The following LRRTM4 variants were observed in gnomAD, a reference collection of about 807,000 sequenced individuals.
LRRTM4 encodes the protein leucine-rich repeat transmembrane neuronal protein 4.
LRRTM4 carries 25 observed loss-of-function variants against 47.6 expected under a neutral mutation model. That is an observed-to-expected ratio of 0.53 (90% CI 0.38 to 0.73). The LOEUF (loss-of-function observed/expected upper bound fraction) is 0.73, where lower values mean the gene tolerates loss of function less well. LRRTM4 is among the 30% of genes least tolerant of loss of function. LRRTM4 has a pLI of 0.00. For missense variants in LRRTM4, 638 were observed against 713.4 expected (o/e 0.89, Z 1.20); for synonymous variants, 311 against 269.5 (o/e 1.15, Z -1.51).
intron 3 of LRRTM4, among the ~76,000 whole-genome samples, chr2:76,935,644 T>C (rs1481944838): frequency 6.6e-6 from 1 of 151,744 alleles, no homozygotes; most frequent in East Asian, 1.9e-4. Context: ...ATGATTTGGC[T>C]CTCTGTTATT....
chr2:77,000,403 G>A (rs6547112), intron 3 of LRRTM4, among the ~76,000 whole-genome samples: 23,500 of 152,184 alleles, frequency 0.15, 2,790 homozygotes, highest in African/African-American at 0.33. Context: ...GAGAGCTTGG[G>A]AGAGTGTATG....
At chr2:76,825,337 T>A (rs1671163172) in intron 3 of LRRTM4, among the ~76,000 whole-genome samples, 1 of 151,720 alleles carries the variant, frequency 6.6e-6, no homozygotes, top group Admixed American at 6.6e-5. Flanking sequence ...GGTTGAAATA[T>A]TCTGACAGTA....
chr2:77,115,702 C>T (rs1011186539), intron 3 of LRRTM4, among the ~76,000 whole-genome samples: 8 of 152,086 alleles, frequency 5.3e-5, no homozygotes, highest in African/African-American at 1.9e-4. Flanking sequence ...TCATGTAGGA[C>T]AAAGTATATA....
At chr2:77,025,101 C>G (rs1274723594) in intron 3 of LRRTM4, among the ~76,000 whole-genome samples, 1 of 152,096 alleles carries the variant, frequency 6.6e-6, no homozygotes, top group African/African-American at 2.4e-5. Context: ...ATTTATATCA[C>G]TCATTCTAAA....
At chr2:76,859,727 A>G (rs1428962383) in intron 3 of LRRTM4, among the ~76,000 whole-genome samples, 1 of 152,148 alleles carries the variant, frequency 6.6e-6, no homozygotes, top group Non-Finnish European at 1.5e-5. Context: ...TCCTAGCTCC[A>G]TAAGCTGTTT....
chr2:77,371,604 A>C (rs570533681), intron 3 of LRRTM4, among the ~76,000 whole-genome samples: 2 of 151,914 alleles, frequency 1.3e-5, no homozygotes, highest in South Asian at 4.1e-4. Context: ...ACATAGAATG[A>C]AGTGACCTTC....
intron 3 of LRRTM4, among the ~76,000 whole-genome samples, chr2:76,950,861 T>G (rs1675471900): frequency 6.6e-6 from 1 of 151,920 alleles, no homozygotes; most frequent in Non-Finnish European, 1.5e-5. Context: ...TGAACTAGAG[T>G]TTCCGAGATG....
chr2:77,304,594 G>A (rs1280872878), intron 3 of LRRTM4, among the ~76,000 whole-genome samples: 1 of 152,072 alleles, frequency 6.6e-6, no homozygotes, highest in Non-Finnish European at 1.5e-5. Context: ...AAAGCAAGAG[G>A]GGAATTGCTC....
chr2:76,976,970 G>A (rs1209808189), intron 3 of LRRTM4, among the ~76,000 whole-genome samples: 1 of 151,218 alleles, frequency 6.6e-6, no homozygotes, highest in Non-Finnish European at 1.5e-5. Context: ...TGTACATTAT[G>A]TGTCAACTAA....
chr2:77,111,295 T>A (rs1270481323), intron 3 of LRRTM4, among the ~76,000 whole-genome samples: 1 of 150,350 alleles, frequency 6.7e-6, no homozygotes, highest in African/African-American at 2.4e-5. Flanking sequence ...TTTTTTTTTT[T>A]TTTTTTTGTA....
chr2:77,176,162 A>T (rs1343638651), intron 3 of LRRTM4, among the ~76,000 whole-genome samples: 1 of 152,128 alleles, frequency 6.6e-6, no homozygotes, highest in Non-Finnish European at 1.5e-5. Context: ...TTATTTGATG[A>T]GATTAAAGCA....
chr2:77,422,380 GCATCCATGTCT>G (rs1674935536), intron 3 of LRRTM4, among the ~76,000 whole-genome samples: 1 of 152,136 alleles, frequency 6.6e-6, no homozygotes, highest in Non-Finnish European at 1.5e-5. Flanking sequence ...TCAATAAACT[GCATCCATGTCT>G]GATGCAGAAA....
intron 3 of LRRTM4, among the ~76,000 whole-genome samples, chr2:76,931,741 G>A (rs773281930): frequency 8.6e-5 from 13 of 151,950 alleles, no homozygotes; most frequent in Middle Eastern, 3.4e-3. Context: ...CAGTTCCAAC[G>A]TACTTTTTTC....
At chr2:76,771,894 AT>A (rs2104115374) in intron 3 of LRRTM4, among the ~76,000 whole-genome samples, 1 of 152,224 alleles carries the variant, frequency 6.6e-6, no homozygotes, top group East Asian at 1.9e-4. Flanking sequence ...TACCCAGGTG[AT>A]TTTTGAGGAA....
At chr2:77,057,631 C>T (rs1446916770) in intron 3 of LRRTM4, among the ~76,000 whole-genome samples, 2 of 152,168 alleles carry the variant, frequency 1.3e-5, no homozygotes, top group South Asian at 2.1e-4. Context: ...CCCAGCTGCA[C>T]ATTAGAACCA....
At chr2:77,385,853 T>G (rs1014063501) in intron 3 of LRRTM4, among the ~76,000 whole-genome samples, 1 of 150,622 alleles carries the variant, frequency 6.6e-6, no homozygotes, top group Non-Finnish European at 1.5e-5. Flanking sequence ...TTTCAAGTGA[T>G]TCTTCTGGCC....
At chr2:77,471,245 A>G (rs1237777070) in intron 3 of LRRTM4, among the ~76,000 whole-genome samples, 2 of 152,112 alleles carry the variant, frequency 1.3e-5, no homozygotes, top group Non-Finnish European at 2.9e-5. Flanking sequence ...TACAGTTACT[A>G]TAGACTCATT....
chr2:77,263,341 G>T (rs1573163926), intron 3 of LRRTM4, among the ~76,000 whole-genome samples: 1 of 152,068 alleles, frequency 6.6e-6, no homozygotes, highest in Non-Finnish European at 1.5e-5. Flanking sequence ...TTTGAGTTCT[G>T]CAAGCCACTC....
chr2:77,445,780 C>G (rs1243505997), intron 3 of LRRTM4, among the ~76,000 whole-genome samples: 4 of 152,120 alleles, frequency 2.6e-5, no homozygotes, highest in East Asian at 1.9e-4. Context: ...AGACTGCAAG[C>G]TGTGTGGCTT....
Sources: gnomAD v4.1 joint callset for allele counts (sites outside exome capture counted in the v4.1 genomes callset) on GRCh38, gnomAD v4.1.1 for gene constraint, MANE v1.5 for transcripts, NCBI Gene and HGNC (gene_info 2026-07-23, HGNC 2026-07-21) for gene names.